PLCB1: variants seen among roughly 807,000 people sequenced by gnomAD.
PLCB1 encodes the protein phospholipase C beta 1, also known as 1-phosphatidylinositol 4,5-bisphosphate phosphodiesterase beta-1.
A neutral mutation model predicts 161.8 loss-of-function variants in PLCB1; 46 were observed. The ratio of observed to expected loss-of-function variants is 0.28; its 90% CI spans 0.22 to 0.36. The LOEUF (loss-of-function observed/expected upper bound fraction) is 0.36, where lower values mean the gene tolerates loss of function less well. Among genes scored for constraint, PLCB1 ranks in the 10% least tolerant of loss-of-function variants. The probability of loss-of-function intolerance (pLI) is 1.00; values close to 1 mark genes in which losing one functional copy is unlikely to be tolerated. For missense variants in PLCB1, 1,016 were observed against 1,472.5 expected (o/e 0.69, Z 5.07); for synonymous variants, 517 against 503.7 (o/e 1.03, Z -0.35).
chr20:8,277,122 T>A (rs1425845758), intron 2 of PLCB1, among the ~76,000 whole-genome samples: 4 of 151,734 alleles, frequency 2.6e-5, no homozygotes, highest in Admixed American at 1.3e-4. Flanking sequence ...TGCCTCAACC[T>A]CCTGAGTAGC....
chr20:8,501,867 AT>A (rs1983429324), intron 3 of PLCB1, among the ~76,000 whole-genome samples: 1 of 394 alleles, frequency 2.5e-3, no homozygotes, highest in Non-Finnish European at 4.2e-3. Flanking sequence ...TATATCGCAT[AT>A]ATATATATAT....
chr20:8,806,206 A>G (rs1444967732), intron 31 of PLCB1, among the ~76,000 whole-genome samples: 1 of 152,110 alleles, frequency 6.6e-6, no homozygotes, highest in Non-Finnish European at 1.5e-5. Context: ...CCTCTAGGAA[A>G]CCACAATTAG....
intron 2 of PLCB1, among the ~76,000 whole-genome samples, chr20:8,277,807 C>T (rs1982655972): frequency 6.6e-6 from 1 of 152,086 alleles, no homozygotes; most frequent in African/African-American, 2.4e-5. Context: ...AACTACAACC[C>T]AATACCAATG....
intron 2 of PLCB1, among the ~76,000 whole-genome samples, chr20:8,165,635 A>G (rs949571523): frequency 1.3e-5 from 2 of 152,186 alleles, no homozygotes; most frequent in Admixed American, 1.3e-4. Context: ...ATACACTGCT[A>G]ACATACAGTC....
At chr20:8,859,157 A>G (rs1987169551) in intron 31 of PLCB1, among the ~76,000 whole-genome samples, 1 of 152,146 alleles carries the variant, frequency 6.6e-6, no homozygotes, top group African/African-American at 2.4e-5. Context: ...TGGTTCATCT[A>G]CTTCTAAGGC....
At chr20:8,432,205 G>C (rs762211012) in intron 3 of PLCB1, among the ~76,000 whole-genome samples, 1 of 152,126 alleles carries the variant, frequency 6.6e-6, no homozygotes, top group Non-Finnish European at 1.5e-5. Context: ...GGGACGCTCC[G>C]CAAGGCCAGA....
At chr20:8,626,907 C>A (rs1342883369) in intron 3 of PLCB1, among the ~76,000 whole-genome samples, 2 of 152,204 alleles carry the variant, frequency 1.3e-5, no homozygotes, top group Non-Finnish European at 2.9e-5. Flanking sequence ...CCCGAACATT[C>A]TCCTTTAATC....
At chr20:8,716,720 G>A (rs779579401) in intron 13 of PLCB1, among the ~76,000 whole-genome samples, 1 of 152,176 alleles carries the variant, frequency 6.6e-6, no homozygotes, top group Non-Finnish European at 1.5e-5. Flanking sequence ...ACTGCAGGTG[G>A]CACAATGTCT....
chr20:8,180,873 T>A lies in PLCB1; in HGVS notation c.177+30502T>A, dbSNP rs530787445. Among the ~76,000 whole-genome samples, 38 of 152,256 alleles carry A rather than the reference T, an allele frequency of 2.5e-4. 1 individual carries two copies. The highest frequency in any genetic ancestry group is 6.5e-4 in the Admixed American group (10 of 15,300). ...GAATAATTAATGCCACAGGAAATAC[T>A]TATGAGACATTAAATTTAAAAAAGG... On this transcript the variant is annotated intron_variant, in intron 2 of 31. Transcript: ENST00000338037.
At chr20:8,691,823 G>T (rs1448976423) in intron 10 of PLCB1, among the ~76,000 whole-genome samples, 1 of 152,088 alleles carries the variant, frequency 6.6e-6, no homozygotes, top group Non-Finnish European at 1.5e-5. Flanking sequence ...TGAATGAGTG[G>T]TTTTTAATTA....
chr20:8,716,876 G>A (rs1043211315), intron 13 of PLCB1, among the ~76,000 whole-genome samples: 6 of 152,136 alleles, frequency 3.9e-5, no homozygotes, highest in East Asian at 1.9e-4. Context: ...TTTCCTTCCC[G>A]CACCCTTTTG....
chr20:8,795,278 G>A (rs1051735251), intron 31 of PLCB1, among the ~76,000 whole-genome samples: 2 of 152,114 alleles, frequency 1.3e-5, no homozygotes, highest in African/African-American at 2.4e-5. Context: ...TAATTTTGAG[G>A]GCATTGGGGA....
chr20:8,387,155 C>T (rs1454884265), intron 3 of PLCB1, among the ~76,000 whole-genome samples: 1 of 152,192 alleles, frequency 6.6e-6, no homozygotes, highest in African/African-American at 2.4e-5. Flanking sequence ...TTTGCATTCA[C>T]AACTGGGCGG....
At chr20:8,657,480 A>T (rs1303822177) in intron 8 of PLCB1, among the ~76,000 whole-genome samples, 196 bp downstream of exon 8, 1 of 152,106 alleles carries the variant, frequency 6.6e-6, no homozygotes, top group Non-Finnish European at 1.5e-5. Context: ...AATGAGTACA[A>T]GTTTGCTGTG....
At chr20:8,761,155 A>G (rs1982002797) in intron 25 of PLCB1, among the ~76,000 whole-genome samples, 1 of 152,216 alleles carries the variant, frequency 6.6e-6, no homozygotes, top group Non-Finnish European at 1.5e-5. Context: ...CAAGTCACAC[A>G]CAACATGGAT....
intron 2 of PLCB1, among the ~76,000 whole-genome samples, chr20:8,336,017 A>AGTG (rs1191462095): frequency 1.1e-4 from 17 of 152,162 alleles, no homozygotes; most frequent in African/African-American, 4.1e-4. Flanking sequence ...GTAGAGCAGC[A>AGTG]GGATCCAGTG....
At chr20:8,252,025 C>T (rs77781449) in intron 2 of PLCB1, among the ~76,000 whole-genome samples, 10,289 of 151,870 alleles carry the variant, frequency 0.068, 550 homozygotes, top group East Asian at 0.27. Context: ...CTTGATGGCT[C>T]AAGCAGATCT....
chr20:8,201,932 T>A (rs2123127391), intron 2 of PLCB1, among the ~76,000 whole-genome samples: 1 of 152,332 alleles, frequency 6.6e-6, no homozygotes, highest in Admixed American at 6.5e-5. Context: ...TGTTGGGTTT[T>A]GTAGATCCTT....
chr20:8,246,161 G>C (rs1231445513), intron 2 of PLCB1, among the ~76,000 whole-genome samples: 2 of 151,892 alleles, frequency 1.3e-5, no homozygotes, highest in Non-Finnish European at 2.9e-5. Context: ...GCATCAGATA[G>C]CTATTTTTGT....
Sources: gnomAD v4.1 joint callset for allele counts (sites outside exome capture counted in the v4.1 genomes callset) on GRCh38, gnomAD v4.1.1 for gene constraint, MANE v1.5 for transcripts, NCBI Gene and HGNC (gene_info 2026-07-23, HGNC 2026-07-21) for gene names.